Variants in ANKRD11 observed in about 807,000 individuals in gnomAD.
ANKRD11 encodes the protein ankyrin repeat domain 11, also known as ankyrin repeat domain-containing protein 11.
A neutral mutation model predicts 195.7 loss-of-function variants in ANKRD11; 17 were observed. That is an observed-to-expected ratio of 0.09 (90% CI 0.06 to 0.13). The LOEUF (loss-of-function observed/expected upper bound fraction) is 0.13, where lower values mean the gene tolerates loss of function less well. ANKRD11 is among the 10% of genes least tolerant of loss of function. ANKRD11 has a pLI of 1.00. For synonymous variants in ANKRD11, 1,953 were observed against 1,528.1 expected (o/e 1.28, Z -6.49); for missense variants, 3,735 against 3,566.1 (o/e 1.05, Z -1.21).
intron 2 of ANKRD11, among the ~76,000 whole-genome samples, chr16:89,327,329 C>T (rs188618438): frequency 1.3e-5 from 2 of 152,164 alleles, no homozygotes; most frequent in Admixed American, 1.3e-4. Context: ...ACGATAAAGG[C>T]CAACTACCAA....
chr16:89,276,947 T>C (rs1431807079), intron 9 of ANKRD11, among the ~76,000 whole-genome samples: 1 of 150,768 alleles, frequency 6.6e-6, no homozygotes, highest in African/African-American at 2.4e-5. Context: ...TCCCAGCTAC[T>C]CAGGAGGCTG....
intron 3 of ANKRD11, 112 bp downstream of exon 3, chr16:89,316,821 C>G (rs939992752): frequency 7.6e-7 from 1 of 1,308,920 alleles, no homozygotes; most frequent in East Asian, 2.5e-5. Flanking sequence ...GACAGAGGCA[C>G]GAGGAAAGGG....
At chr16:89,330,683 G>A (rs1178380326) in intron 2 of ANKRD11, among the ~76,000 whole-genome samples, 3 of 83,174 alleles carry the variant, frequency 3.6e-5, no homozygotes, top group Non-Finnish European at 7.7e-5. Context: ...GGGCGGGGGC[G>A]GAGGAAGCTG....
intron 2 of ANKRD11, among the ~76,000 whole-genome samples, chr16:89,331,453 A>C (rs1174104850): frequency 6.6e-6 from 1 of 152,326 alleles, no homozygotes; most frequent in East Asian, 1.9e-4. Flanking sequence ...TACAGATTAA[A>C]GACTTAAAAG....
Position 89,282,645 on chromosome 16 carries a change from T to G in ANKRD11, c.3897A>C (p.Lys1299Asn). The change falls in exon 9 of 13, where the codon AAA becomes AAC. Residue 1299 changes from lysine (K) to asparagine (N), a missense_variant. Coordinates refer to ENST00000301030, the MANE Select transcript of ANKRD11 (RefSeq NM_013275.6). Reference sequence around the variant, plus strand: ...AGCTGTCAGAGGAGACCTCGCTGATTTTATCGTTGGAGTCTTCTCTGTACT... The same window carrying G: ...AGCTGTCAGAGGAGACCTCGCTGATGTTATCGTTGGAGTCTTCTCTGTACT... ...LHEYREDSND[K>N]ISEVSSDSFT... 1 of 1,614,070 alleles carries G rather than the reference T, an allele frequency of 6.2e-7. No individual in the cohort carries two copies. Among genetic ancestry groups the G allele is most frequent in the Non-Finnish European group, 8.5e-7 (1 of 1,180,016 alleles).
chr16:89,361,709 A>C (rs1190424046), intron 2 of ANKRD11: 1 of 152,256 alleles, frequency 6.6e-6, no homozygotes, highest in Non-Finnish European at 1.5e-5. Context: ...GAAGATCACC[A>C]CCCAGAAATA....
chr16:89,489,594 TAAC>T (rs1190763113), intron 1 of ANKRD11, among the ~76,000 whole-genome samples: 3 of 151,612 alleles, frequency 2.0e-5, no homozygotes, highest in African/African-American at 7.3e-5. Context: ...ACGCTGAGAA[TAAC>T]AACTACGACC....
intron 1 of ANKRD11, among the ~76,000 whole-genome samples, chr16:89,487,030 AC>A: frequency 6.6e-6 from 1 of 152,172 alleles, no homozygotes; most frequent in Non-Finnish European, 1.5e-5. Context: ...AAAGAAAAAA[AC>A]AATTTCAAAT....
In ANKRD11 at chr16:89,279,943, G is replaced by A. The variant is rs764833948; in HGVS notation, c.6599C>T (p.Pro2200Leu). Reference sequence around the variant, plus strand: ...TGAGGGCTCAGGCTCGAGCTCTGCAGGGAGCCGGGTGGAGGCCTGGTCAGG... The same window carrying A: ...TGAGGGCTCAGGCTCGAGCTCTGCAAGGAGCCGGGTGGAGGCCTGGTCAGG... ...LPPDQASTRL[P>L]AELEPEPSGE... The change falls in exon 9 of 13, where the codon CCT (proline) becomes CTT (leucine). Residue 2200 changes from proline to leucine, a missense_variant. Pro to Leu is a moderately conservative substitution (Grantham distance 98). Coordinates refer to ENST00000301030, the MANE Select transcript of ANKRD11 (RefSeq NM_013275.6). This position sits in a 1 kb window ranked among gnomAD's most constrained non-coding sequence, Gnocchi z 5.6. 4 of 1,610,112 alleles carry A rather than the reference G, an allele frequency of 2.5e-6. No homozygotes were observed. The African/African-American group carries it at 4.0e-5, about 16-fold the overall frequency.
At chr16:89,336,863 C>T (rs1333016835) in intron 2 of ANKRD11, among the ~76,000 whole-genome samples, 1 of 152,048 alleles carries the variant, frequency 6.6e-6, no homozygotes, top group African/African-American at 2.4e-5. Context: ...CGGTGGCTCA[C>T]GCCTGTAATC....
At chr16:89,427,837 A>G (rs2042783069) in intron 1 of ANKRD11, among the ~76,000 whole-genome samples, 1 of 152,124 alleles carries the variant, frequency 6.6e-6, no homozygotes, top group African/African-American at 2.4e-5. Flanking sequence ...GGTTTTTCTA[A>G]AATGATTATT....
rs755976582 is a variant in ANKRD11 at position 89,283,197 on chromosome 16, G to A, written c.3345C>T (p.Ile1115=). 5.6e-6 allele frequency: 9 copies of A among 1,613,940 alleles called. No homozygotes were observed. The highest frequency in any genetic ancestry group is 2.7e-5 in the African/African-American group (2 of 74,886). ...CACTCTCATCTGTGAAGATGTCTGCGATGTACCAGCTTTTCTCTTTGCCTT... is the reference window on the plus strand; with the variant it reads ...CACTCTCATCTGTGAAGATGTCTGCAATGTACCAGCTTTTCTCTTTGCCTT... The part of the protein sequence containing the change: ...DKKGKEKSWY[I]ADIFTDESED... Residue 1115 remains isoleucine (I), a synonymous_variant, in exon 9 of 13, where the codon ATC becomes ATT. Coordinates refer to ENST00000301030, the MANE Select transcript of ANKRD11 (RefSeq NM_013275.6). This position sits in a 1 kb window ranked among gnomAD's most constrained non-coding sequence, Gnocchi z 4.3.
Position 89,281,106 on chromosome 16 carries a change from C to T in ANKRD11, c.5436G>A (p.Gln1812=). The change falls in exon 9 of 13, where the codon CAG becomes CAA. Residue 1812 remains glutamine (Q), a synonymous_variant. Coordinates refer to ENST00000301030, the MANE Select transcript of ANKRD11 (RefSeq NM_013275.6). The surrounding 1 kb of genome is among the most constrained non-coding windows in gnomAD (Gnocchi z 5.5). ...EFSVGDKLFR[Q]QSVPAASSYD... is the part of the protein sequence containing the mutation. ...AGCTGGAGGCAGCAGGAACGCTCTG[C>T]TGCCTGAAGAGCTTGTCTCCGACGC... 1.2e-6 allele frequency: 2 copies of T among 1,611,268 alleles called. No homozygotes were observed. The highest frequency in any genetic ancestry group is 8.5e-7 in the Non-Finnish European group (1 of 1,177,688).
intron 9 of ANKRD11, chr16:89,278,270 C>T (rs1420205835): frequency 2.9e-6 from 1 of 349,042 alleles, no homozygotes; most frequent in Non-Finnish European, 5.7e-6. Flanking sequence ...CTGCCTCCCC[C>T]ATGAGGAATC....
intron 2 of ANKRD11, among the ~76,000 whole-genome samples, chr16:89,398,075 G>T (rs918282579): frequency 2.0e-5 from 3 of 151,462 alleles, no homozygotes; most frequent in Admixed American, 1.3e-4. Context: ...GTGACGCTGT[G>T]AAACAGCTGA....
Position 89,275,150 on chromosome 16 carries a change from C to A in ANKRD11, c.7512G>T (p.Leu2504=). The A allele has an allele frequency of 6.2e-7, 1 of 1,611,364 alleles. No individual in the cohort carries two copies. The highest frequency in any genetic ancestry group is 1.1e-5 in the South Asian group (1 of 90,504). Residue 2504 remains leucine, a synonymous_variant, in exon 10 of 13, where the codon CTG becomes CTT. Coordinates refer to ENST00000301030, the MANE Select transcript of ANKRD11 (RefSeq NM_013275.6). ...CCCGGACGGCCTCCTGCTGCCTGAA[C>A]AGCTCCTTCAGGGGCTCCGCCAGGG... ...PPSLAEPLKE[L]FRQQEAVRGK... is the part of the protein sequence containing the mutation.
chr16:89,467,502 A>C (rs952903164), intron 1 of ANKRD11, among the ~76,000 whole-genome samples: 7 of 152,076 alleles, frequency 4.6e-5, no homozygotes, highest in Admixed American at 4.6e-4. Flanking sequence ...AGCTGGGACT[A>C]CAGGCACACG....
rs779451459 is a variant in ANKRD11 at position 89,284,522 on chromosome 16, A to C, written c.2020T>G (p.Leu674Val). The change falls in exon 9 of 13, where the codon TTA becomes GTA. Residue 674 changes from leucine (L) to valine (V), a missense_variant. Leu to Val is a conservative substitution (Grantham distance 32). Coordinates refer to ENST00000301030, the MANE Select transcript of ANKRD11 (RefSeq NM_013275.6). The part of the protein sequence containing the change: ...SKQKSDKAIL[L>V]ENDLSTENKL... ...TTTTCAGTGGAAAGATCATTCTCTAACAGTATAGCCTTATCTGACTTCTGC... is the reference window on the plus strand; with the variant it reads ...TTTTCAGTGGAAAGATCATTCTCTACCAGTATAGCCTTATCTGACTTCTGC... The C allele has an allele frequency of 4.3e-6, 7 of 1,613,980 alleles. No individual in the cohort carries two copies. The East Asian group carries it at 1.6e-4, about 36-fold the overall frequency.
intron 4 of ANKRD11, among the ~76,000 whole-genome samples, chr16:89,294,468 G>A (rs550331755): frequency 3.5e-4 from 53 of 152,206 alleles, no homozygotes; most frequent in African/African-American, 1.1e-3. Flanking sequence ...CTGCAGCTAC[G>A]AGCATCTACA....
Sources: allele counts gnomAD v4.1 joint callset (sites outside exome capture counted in the v4.1 genomes callset), GRCh38; gene constraint gnomAD v4.1.1; non-coding constraint Gnocchi (gnomAD v3.1); transcripts MANE v1.5; gene names NCBI Gene and HGNC (gene_info 2026-07-23, HGNC 2026-07-21).